Variants in PDCD10 observed in about 807,000 individuals in gnomAD.
PDCD10 encodes programmed cell death protein 10.
A neutral mutation model predicts 29.2 loss-of-function variants in PDCD10; 4 were observed. That is an observed-to-expected ratio of 0.14 (90% confidence interval 0.07 to 0.31). The LOEUF is 0.31. PDCD10 is among the 10% of genes least tolerant of loss of function. The pLI is 1.00. For synonymous variants in PDCD10, 70 were observed against 82.2 expected (o/e 0.85, Z 0.80); for missense variants, 183 against 257.9 (o/e 0.71, Z 1.99).
intron 6 of PDCD10, among the ~76,000 whole-genome samples, chr3:167,688,974 A>T (rs1719940642): frequency 1.3e-5 from 2 of 152,198 alleles, no homozygotes; most frequent in Admixed American, 1.3e-4. Flanking sequence ...ATTTTTTAAA[A>T]AAGTATTTTA....
chr3:167,689,309 A>G (rs1466498866), intron 6 of PDCD10, among the ~76,000 whole-genome samples: 1 of 152,234 alleles, frequency 6.6e-6, no homozygotes, highest in Non-Finnish European at 1.5e-5. Context: ...TCAACAAATA[A>G]AACATGTCAA....
intron 4 of PDCD10, chr3:167,704,557 A>G (rs1721779307): frequency 5.9e-6 from 1 of 169,700 alleles, no homozygotes; most frequent in African/African-American, 4.0e-5. Flanking sequence ...CAAATAATAG[A>G]AAAAAAAAAA....
At chr3:167,695,002 A>G (rs971501872) in intron 6 of PDCD10, among the ~76,000 whole-genome samples, 1 of 152,208 alleles carries the variant, frequency 6.6e-6, no homozygotes, top group African/African-American at 2.4e-5. Flanking sequence ...TGTAGGGATT[A>G]TGTTTTCACT....
At chr3:167,695,873 C>T (rs1419049704) in intron 5 of PDCD10, 151 bp from the exon 6 acceptor site, 11 of 739,852 alleles carry the variant, frequency 1.5e-5, no homozygotes, top group East Asian at 1.1e-4. Flanking sequence ...AATTCATTAG[C>T]GTTTGACTTA....
intron 6 of PDCD10, among the ~76,000 whole-genome samples, chr3:167,693,442 T>C (rs1222012674): frequency 6.6e-6 from 1 of 152,212 alleles, no homozygotes; most frequent in Admixed American, 6.5e-5. Flanking sequence ...GTTGATAAGC[T>C]GTCACATACG....
intron 3 of PDCD10, among the ~76,000 whole-genome samples, chr3:167,706,419 T>C (rs1335847374): frequency 6.6e-6 from 1 of 152,230 alleles, no homozygotes; most frequent in Admixed American, 6.5e-5. Context: ...TGTACTGACA[T>C]AAACCTACAG....
chr3:167,685,806 A>G (rs1039698431), intron 8 of PDCD10, among the ~76,000 whole-genome samples: 12 of 152,330 alleles, frequency 7.9e-5, no homozygotes, highest in East Asian at 5.8e-4. Context: ...GTTTATTTTC[A>G]AAACACAAAT....
chr3:167,711,852 G>C (rs144016012), intron 3 of PDCD10, among the ~76,000 whole-genome samples: 40 of 151,944 alleles, frequency 2.6e-4, no homozygotes, highest in African/African-American at 8.2e-4. Flanking sequence ...GGCCATGAGA[G>C]AGTAGTATGA....
chr3:167,726,114 G>GT (rs751342370), intron 2 of PDCD10, among the ~76,000 whole-genome samples: 2,383 of 85,754 alleles, frequency 0.028, 104 homozygotes, highest in Non-Finnish European at 0.036. Flanking sequence ...GTAGAGTACT[G>GT]TTTTTTTTTT....
chr3:167,718,468 G>C (rs1243911498), intron 3 of PDCD10, among the ~76,000 whole-genome samples: 1 of 152,040 alleles, frequency 6.6e-6, no homozygotes, highest in Non-Finnish European at 1.5e-5. Flanking sequence ...GACCTAAAAA[G>C]TGTCTCCAAT....
chr3:167,688,642 C>T (rs1719902413), intron 6 of PDCD10, among the ~76,000 whole-genome samples: 1 of 152,130 alleles, frequency 6.6e-6, no homozygotes, highest in South Asian at 2.1e-4. Flanking sequence ...CAAATAGTCT[C>T]ACATTCTCTG....
At chr3:167,715,567 A>G (rs1219552967) in intron 3 of PDCD10, among the ~76,000 whole-genome samples, 1 of 152,054 alleles carries the variant, frequency 6.6e-6, no homozygotes, top group Non-Finnish European at 1.5e-5. Context: ...ACAGGAAAAA[A>G]AAATCTAATA....
intron 2 of PDCD10, among the ~76,000 whole-genome samples, chr3:167,732,028 G>A (rs1724871462): frequency 6.6e-6 from 1 of 152,204 alleles, no homozygotes; most frequent in African/African-American, 2.4e-5. Flanking sequence ...AGATAAGGAC[G>A]GAGAGCTGGA....
At chr3:167,704,385 G>A (rs1721760715) in intron 4 of PDCD10, among the ~76,000 whole-genome samples, 2 of 151,824 alleles carry the variant, frequency 1.3e-5, no homozygotes, top group African/African-American at 4.8e-5. Flanking sequence ...GCACCACCAT[G>A]CCTGGCTAAT....
intron 2 of PDCD10, chr3:167,730,583 A>T (rs1724706326): frequency 1.3e-5 from 2 of 152,292 alleles, no homozygotes; most frequent in African/African-American, 4.8e-5. Flanking sequence ...ACCAAATTTT[A>T]AAGCCAAATT....
At chr3:167,721,745 T>C (rs1461004654) in intron 2 of PDCD10, among the ~76,000 whole-genome samples, 1 of 152,174 alleles carries the variant, frequency 6.6e-6, no homozygotes, top group Non-Finnish European at 1.5e-5. Context: ...ACCTACTCCA[T>C]GACTTGACAG....
In PDCD10 at chr3:167,713,974, T is replaced by G. The variant is rs371676939; in HGVS notation, c.96+6088A>C. ...TTCACTGCTGAATTCTGCCAAACAT[T>G]TGAAGAACCAATACCAACCCTACTC... On this transcript the variant is annotated intron_variant, in intron 3 of 8. Coordinates refer to ENST00000392750, the MANE Select transcript of PDCD10 (RefSeq NM_007217.4). 1.5e-4 allele frequency among the ~76,000 whole-genome samples: 23 copies of G among 151,838 alleles called. 1 individual carries two copies. The highest frequency in any genetic ancestry group is 5.6e-4 in the African/African-American group (23 of 41,398).
intron 4 of PDCD10, among the ~76,000 whole-genome samples, chr3:167,702,045 C>T (rs953783840): frequency 1.3e-5 from 2 of 152,208 alleles, no homozygotes; most frequent in African/African-American, 4.8e-5. Flanking sequence ...TTATTCAAGG[C>T]TGCTTTATGA....
Position 167,695,708 on chromosome 3 carries a change from G to A in PDCD10, c.283C>T (p.Arg95Ter), listed in dbSNP as rs1357917630. ...AGGTCTTGGAATTCTGGCTCTGGTC[G>A]TTCAATCATATACTCTGATAAAATA... The part of the protein sequence containing the change: ...ADDVEEYMIE[R>*]PEPEFQDLNE... Residue 95 changes from arginine to a stop codon, truncating the protein, a stop_gained, in exon 6 of 9, where the codon CGA (arginine) becomes TGA (stop). Coordinates refer to ENST00000392750, the MANE Select transcript of PDCD10 (RefSeq NM_007217.4). LOFTEE classifies it high-confidence loss of function. The A allele has an allele frequency of 6.2e-7, 1 of 1,613,268 alleles. No homozygotes were observed. The highest frequency in any genetic ancestry group is 8.5e-7 in the Non-Finnish European group (1 of 1,179,454).
Sources: allele counts gnomAD v4.1 joint callset (sites outside exome capture counted in the v4.1 genomes callset), GRCh38; gene constraint gnomAD v4.1.1; transcripts MANE v1.5; gene names NCBI Gene and HGNC (gene_info 2026-07-23, HGNC 2026-07-21).